PIEZO2: variants seen among roughly 807,000 people sequenced by gnomAD.
PIEZO2 encodes piezo type mechanosensitive ion channel component 2.
In PIEZO2, 172 loss-of-function variants were observed where a neutral mutation model predicts 337.3. The ratio of observed to expected loss-of-function variants is 0.51; its 90% confidence interval spans 0.45 to 0.58. The LOEUF (loss-of-function observed/expected upper bound fraction) is 0.58. Among genes scored for constraint, PIEZO2 ranks in the 20% least tolerant of loss-of-function variants. The pLI is 0.00. For synonymous variants in PIEZO2, 1,251 were observed against 1,228.5 expected (o/e 1.02, Z -0.38); for missense variants, 3,028 against 3,391.3 (o/e 0.89, Z 2.66).
intron 1 of PIEZO2, among the ~76,000 whole-genome samples, chr18:11,103,245 A>G (rs146411082): frequency 6.6e-5 from 10 of 152,214 alleles, no homozygotes; most frequent in Non-Finnish European, 1.5e-5. Context: ...TAAACAACTT[A>G]TACAATAATT....
Position 10,888,609 on chromosome 18 carries a change from G to C in PIEZO2, c.330-17194C>G, listed in dbSNP as rs2042673766. Among the ~76,000 whole-genome samples, 1 of 151,822 alleles carries C rather than the reference G, an allele frequency of 6.6e-6. No individual in the cohort carries two copies. The highest frequency in any genetic ancestry group is 1.5e-5 in the Non-Finnish European group (1 of 67,960). Reference sequence around the variant, plus strand: ...TACAACTATTTCCATATCTTCTTGTGTATCTGTGTTTTTAAAACCCACGTG... The same window carrying C: ...TACAACTATTTCCATATCTTCTTGTCTATCTGTGTTTTTAAAACCCACGTG... On this transcript the variant is annotated intron_variant, in intron 4 of 55. Transcript: ENST00000674853. This position sits in a 1 kb window ranked among gnomAD's most constrained non-coding sequence, Gnocchi z 4.1.
rs2040345682 is a variant in PIEZO2 at position 11,131,718 on chromosome 18, C to T, written c.64+16807G>A. On this transcript the variant is annotated intron_variant, in intron 1 of 55. Transcript: ENST00000674853. The surrounding 1 kb of genome is among the most constrained non-coding windows in gnomAD (Gnocchi z 5.3). Reference sequence around the variant, plus strand: ...AAAAGCACGATGGGAAAATTGGTGACAAAGAAACTTGGGGAAGAGGTTTGT... The same window carrying T: ...AAAAGCACGATGGGAAAATTGGTGATAAAGAAACTTGGGGAAGAGGTTTGT... Among the ~76,000 whole-genome samples, 2 of 152,170 alleles carry T rather than the reference C, an allele frequency of 1.3e-5. No homozygotes were observed. Among genetic ancestry groups the T allele is most frequent in the Admixed American group, 1.3e-4 (2 of 15,272 alleles).
At chr18:11,117,918 TTCAAAGAGGG>T (rs1183228754) in intron 1 of PIEZO2, among the ~76,000 whole-genome samples, 1 of 152,228 alleles carries the variant, frequency 6.6e-6, no homozygotes, top group Non-Finnish European at 1.5e-5. Flanking sequence ...AGTAGCTGCA[TTCAAAGAGGG>T]TCCTAAGATC....
chr18:10,707,701 T>C lies in PIEZO2; in HGVS notation c.5588+574A>G, dbSNP rs910538778. 6.6e-6 allele frequency among the ~76,000 whole-genome samples: 1 copy of C among 152,236 alleles called. No individual in the cohort carries two copies. Among genetic ancestry groups the C allele is most frequent in the East Asian group, 1.9e-4 (1 of 5,206 alleles). ...CAGTATATTTTCCCCAAAATAAAAGTTATAGGCTACAAAGATGATGCATTC... is the reference window on the plus strand; with the variant it reads ...CAGTATATTTTCCCCAAAATAAAAGCTATAGGCTACAAAGATGATGCATTC... On this transcript the variant is annotated intron_variant, in intron 40 of 55. Transcript: ENST00000674853. This position sits in a 1 kb window ranked among gnomAD's most constrained non-coding sequence, Gnocchi z 4.2.
chr18:10,801,365 A>G (rs2039809209), intron 10 of PIEZO2, 25 bp downstream of exon 10: 1 of 1,459,152 alleles, frequency 6.9e-7, no homozygotes. Context: ...ACATGCATAA[A>G]TGATAATTCT....
chr18:11,077,552 C>T lies in PIEZO2; in HGVS notation c.65-11330G>A, dbSNP rs1165134984. On this transcript the variant is annotated intron_variant, in intron 1 of 55. Transcript: ENST00000674853. This position sits in a 1 kb window ranked among gnomAD's most constrained non-coding sequence, Gnocchi z 4.8. ...GGGCATGGTGGTGCATGCCTATAGTCCCAGCTACTCTACATGGGAGACTGA... is the reference window on the plus strand; with the variant it reads ...GGGCATGGTGGTGCATGCCTATAGTTCCAGCTACTCTACATGGGAGACTGA... Among the ~76,000 whole-genome samples the T allele has an allele frequency of 1.3e-5, 2 of 152,100 alleles. No homozygotes were observed. The highest frequency in any genetic ancestry group is 4.8e-5 in the African/African-American group (2 of 41,412).
At chr18:10,774,538 G>T (rs117542606) in intron 18 of PIEZO2, among the ~76,000 whole-genome samples, 6,864 of 152,196 alleles carry the variant, frequency 0.045, 239 homozygotes, top group Non-Finnish European at 0.065. Context: ...CTGTCGATTG[G>T]CAACCGTGGG....
At chr18:11,008,217 C>T (rs1195207118) in intron 2 of PIEZO2, among the ~76,000 whole-genome samples, 1 of 152,124 alleles carries the variant, frequency 6.6e-6, no homozygotes, top group Non-Finnish European at 1.5e-5. Context: ...TAGATACTGA[C>T]CAAACTACCT....
rs1007652362 is a variant in PIEZO2 at position 10,993,843 on chromosome 18, T to A, written c.161-14183A>T. ...CTCCTGGCCATGTCTCTGCTTTTTT[T>A]TTATTATTAATTTTAAAATTTTTCA... On this transcript the variant is annotated intron_variant, in intron 2 of 55. Transcript: ENST00000674853. This position sits in a 1 kb window ranked among gnomAD's most constrained non-coding sequence, Gnocchi z 5.0. 2.6e-5 allele frequency among the ~76,000 whole-genome samples: 4 copies of A among 152,110 alleles called. No homozygotes were observed. The highest frequency in any genetic ancestry group is 6.5e-5 in the Admixed American group (1 of 15,276).
At chr18:11,055,609 G>A in intron 2 of PIEZO2, among the ~76,000 whole-genome samples, 1 of 133,302 alleles carries the variant, frequency 7.5e-6, no homozygotes, top group South Asian at 2.1e-4. Context: ...ACTAATAACA[G>A]TGACTCAGTG....
intron 1 of PIEZO2, among the ~76,000 whole-genome samples, chr18:11,067,844 T>C (rs1167823901): frequency 6.6e-6 from 1 of 152,228 alleles, no homozygotes; most frequent in Admixed American, 6.5e-5. Context: ...AGACTTAAAC[T>C]ACATTTTTGA....
chr18:11,081,409 A>T (rs945424019), intron 1 of PIEZO2, among the ~76,000 whole-genome samples: 3 of 152,204 alleles, frequency 2.0e-5, no homozygotes, highest in Non-Finnish European at 4.4e-5. Context: ...CAAAATTGTA[A>T]TCCCAGTCGA....
rs1036301479 is a variant in PIEZO2 at position 11,128,105 on chromosome 18, G to A, written c.64+20420C>T. Among the ~76,000 whole-genome samples the A allele has an allele frequency of 6.6e-6, 1 of 152,072 alleles. No homozygotes were observed. Among genetic ancestry groups the A allele is most frequent in the Non-Finnish European group, 1.5e-5 (1 of 68,030 alleles). On this transcript the variant is annotated intron_variant, in intron 1 of 55. Coordinates refer to ENST00000674853, the MANE Select transcript of PIEZO2 (RefSeq NM_001378183.1). This position sits in a 1 kb window ranked among gnomAD's most constrained non-coding sequence, Gnocchi z 4.1. ...ACTCATGACAGGCAAGGAGTTTAGT[G>A]ACTCTATACCTAATACCTTTAACCA... is the stretch of plus-strand genomic sequence containing the variant.
At chr18:10,968,080 A>G (rs1265217298) in intron 3 of PIEZO2, among the ~76,000 whole-genome samples, 1 of 152,184 alleles carries the variant, frequency 6.6e-6, no homozygotes, top group Non-Finnish European at 1.5e-5. Flanking sequence ...TTATGGCTTC[A>G]GGTCTTAGAT....
At position 11,112,597 on chromosome 18, in the gene PIEZO2, T is replaced by C. The variant is rs2039768253; in HGVS notation, c.64+35928A>G. Reference sequence around the variant, plus strand: ...AAACCACATAAACATTGCATACTAGTCAGAGGCTCACCAGGGTTGTAAAGA... The same window carrying C: ...AAACCACATAAACATTGCATACTAGCCAGAGGCTCACCAGGGTTGTAAAGA... On this transcript the variant is annotated intron_variant, in intron 1 of 55. Transcript: ENST00000674853. The surrounding 1 kb of genome is among the most constrained non-coding windows in gnomAD (Gnocchi z 4.3). Among the ~76,000 whole-genome samples the C allele has an allele frequency of 6.6e-6, 1 of 152,164 alleles. No homozygotes were observed. The highest frequency in any genetic ancestry group is 1.5e-5 in the Non-Finnish European group (1 of 68,032).
intron 35 of PIEZO2, among the ~76,000 whole-genome samples, chr18:10,734,438 TAAAATGTGAG>T (rs1164141663): frequency 6.6e-6 from 1 of 152,162 alleles, no homozygotes; most frequent in Admixed American, 6.5e-5. Context: ...GACCCCAGGG[TAAAATGTGAG>T]AAGCACTGGT....
rs1298551759 is a variant in PIEZO2 at position 11,146,481 on chromosome 18, T to C, written c.64+2044A>G. Reference sequence around the variant, plus strand: ...GCTGCGAGTCACCGCCCCGAGCCCCTGTGCCCAGCAACCCAAGCTGGGAGT... The same window carrying C: ...GCTGCGAGTCACCGCCCCGAGCCCCCGTGCCCAGCAACCCAAGCTGGGAGT... On this transcript the variant is annotated intron_variant, in intron 1 of 55. Coordinates refer to ENST00000674853, the MANE Select transcript of PIEZO2 (RefSeq NM_001378183.1). The surrounding 1 kb of genome is among the most constrained non-coding windows in gnomAD (Gnocchi z 6.1). Among the ~76,000 whole-genome samples the C allele has an allele frequency of 1.3e-5, 2 of 152,130 alleles. No individual in the cohort carries two copies. Among genetic ancestry groups the C allele is most frequent in the African/African-American group, 4.8e-5 (2 of 41,430 alleles).
intron 4 of PIEZO2, among the ~76,000 whole-genome samples, chr18:10,885,127 C>T (rs2144881885): frequency 6.6e-6 from 1 of 152,076 alleles, no homozygotes; most frequent in South Asian, 2.1e-4. Flanking sequence ...GCAAGCTCAG[C>T]ATAAAGAGGG....
At chr18:11,052,333 C>T in intron 2 of PIEZO2, among the ~76,000 whole-genome samples, 1 of 152,184 alleles carries the variant, frequency 6.6e-6, no homozygotes, top group African/African-American at 2.4e-5. Context: ...TTAACACTTC[C>T]TCAGGATGCT....
Sources: allele counts gnomAD v4.1 joint callset (sites outside exome capture counted in the v4.1 genomes callset), GRCh38; gene constraint gnomAD v4.1.1; non-coding constraint Gnocchi (gnomAD v3.1); transcripts MANE v1.5; gene names NCBI Gene and HGNC (gene_info 2026-07-23, HGNC 2026-07-21).